Variants in NALF1 observed in about 807,000 individuals in gnomAD.
NALF1 encodes the protein family with sequence similarity 155 member A.
NALF1 carries 3 observed loss-of-function variants against 48.4 expected under a neutral mutation model. The ratio of observed to expected loss-of-function variants is 0.06; its 90% CI spans 0.03 to 0.16. The LOEUF (loss-of-function observed/expected upper bound fraction) is 0.16. Ranked by LOEUF, NALF1 falls within the 10% of genes least tolerant of loss-of-function variation. NALF1 has a pLI of 1.00. For synonymous variants in NALF1, 262 were observed against 245.7 expected, an observed-to-expected ratio of 1.07 and a Z score of -0.62; for missense variants, 526 against 571.5, an observed-to-expected ratio of 0.92 and a Z score of 0.81.
At chr13:107,221,440 C>T (rs946093973) in intron 1 of NALF1, among the ~76,000 whole-genome samples, 3 of 151,944 alleles carry the variant, frequency 2.0e-5, no homozygotes, top group South Asian at 4.2e-4. Context: ...ATTAGCTGGG[C>T]GTGGCGGTGC....
chr13:107,607,866 C>T (rs1879115127), intron 1 of NALF1, among the ~76,000 whole-genome samples: 1 of 152,180 alleles, frequency 6.6e-6, no homozygotes, highest in African/African-American at 2.4e-5. Flanking sequence ...GAAAACCACA[C>T]CTGTAACAGT....
chr13:107,678,246 G>C (rs4405424), intron 1 of NALF1, among the ~76,000 whole-genome samples: 81,384 of 151,954 alleles, frequency 0.54, 22,352 homozygotes, highest in African/African-American at 0.65. Context: ...ATGGTGAACG[G>C]GAGGGATGAA....
At chr13:107,368,916 T>C (rs1305031237) in intron 1 of NALF1, among the ~76,000 whole-genome samples, 1 of 152,224 alleles carries the variant, frequency 6.6e-6, no homozygotes, top group African/African-American at 2.4e-5. Flanking sequence ...ATCCCCTCAG[T>C]GCATCATACT....
At chr13:107,817,232 C>A (rs1296200889) in intron 1 of NALF1, among the ~76,000 whole-genome samples, 3 of 152,180 alleles carry the variant, frequency 2.0e-5, no homozygotes, top group Non-Finnish European at 2.9e-5. Flanking sequence ...AGACAAAAAG[C>A]ATTCACATTA....
At chr13:107,483,240 G>C (rs1178411446) in intron 1 of NALF1, among the ~76,000 whole-genome samples, 1 of 152,114 alleles carries the variant, frequency 6.6e-6, no homozygotes, top group Non-Finnish European at 1.5e-5. Context: ...AGCTAAGCTA[G>C]GTAAAGTGCA....
intron 1 of NALF1, among the ~76,000 whole-genome samples, chr13:107,707,186 T>C (rs967865845): frequency 1.3e-5 from 2 of 151,996 alleles, no homozygotes; most frequent in Non-Finnish European, 2.9e-5. Context: ...CCTCCCAAAG[T>C]GCTGGGATTA....
At chr13:107,561,823 T>A (rs1877656059) in intron 1 of NALF1, among the ~76,000 whole-genome samples, 1 of 152,226 alleles carries the variant, frequency 6.6e-6, no homozygotes, top group Non-Finnish European at 1.5e-5. Flanking sequence ...CATAACTGTC[T>A]CTTCCATATT....
intron 1 of NALF1, among the ~76,000 whole-genome samples, chr13:107,641,135 T>A (rs948903012): frequency 8.5e-5 from 13 of 152,162 alleles, no homozygotes; most frequent in African/African-American, 2.4e-5. Context: ...GTGATTATGT[T>A]AAGTGAACTA....
intron 1 of NALF1, among the ~76,000 whole-genome samples, chr13:107,406,648 T>A (rs1032466120): frequency 2.0e-5 from 3 of 151,922 alleles, no homozygotes; most frequent in Non-Finnish European, 4.4e-5. Context: ...ATTAATAGAA[T>A]GCCATTCTTT....
chr13:107,266,062 G>A (rs939275619), intron 1 of NALF1, among the ~76,000 whole-genome samples: 2 of 152,128 alleles, frequency 1.3e-5, no homozygotes, highest in South Asian at 2.1e-4. Flanking sequence ...AGACATAAAG[G>A]TTAAATGCTC....
At chr13:107,220,865 T>C (rs1040142139) in intron 1 of NALF1, among the ~76,000 whole-genome samples, 7 of 150,994 alleles carry the variant, frequency 4.6e-5, no homozygotes, top group Non-Finnish European at 1.0e-4. Flanking sequence ...GCTTCTGATA[T>C]GAGAAAGAGA....
chr13:107,279,991 T>C (rs980627945), intron 1 of NALF1, among the ~76,000 whole-genome samples: 12 of 151,950 alleles, frequency 7.9e-5, no homozygotes, highest in Non-Finnish European at 1.8e-4. Flanking sequence ...GAGGTCTTGC[T>C]ATGTTGCCCA....
chr13:107,221,767 C>T (rs2138815937), intron 1 of NALF1, among the ~76,000 whole-genome samples: 1 of 152,012 alleles, frequency 6.6e-6, no homozygotes, highest in Middle Eastern at 3.4e-3. Flanking sequence ...ACAGGGTGGG[C>T]TTTTAGGTCA....
At chr13:107,183,954 A>G (rs72664782) in intron 2 of NALF1, among the ~76,000 whole-genome samples, 23,385 of 151,682 alleles carry the variant, frequency 0.15, 1,951 homozygotes, top group African/African-American at 0.22. Flanking sequence ...CACCACTTGC[A>G]TATTTTCTAT....
chr13:107,851,753 G>C (rs955303304), intron 1 of NALF1, among the ~76,000 whole-genome samples: 5 of 148,496 alleles, frequency 3.4e-5, no homozygotes, highest in African/African-American at 1.2e-4. Context: ...GAATTTTTAA[G>C]TAACAGATTA....
At chr13:107,496,318 A>G (rs1484419635) in intron 1 of NALF1, among the ~76,000 whole-genome samples, 1 of 152,186 alleles carries the variant, frequency 6.6e-6, no homozygotes, top group Non-Finnish European at 1.5e-5. Flanking sequence ...GTCTCCCAAA[A>G]CAAGCCTGTA....
intron 1 of NALF1, among the ~76,000 whole-genome samples, chr13:107,772,905 T>C (rs1877619790): frequency 6.6e-6 from 1 of 152,180 alleles, no homozygotes; most frequent in South Asian, 2.1e-4. Context: ...TATTTCCCCA[T>C]TAAAAAATAA....
intron 1 of NALF1, among the ~76,000 whole-genome samples, chr13:107,767,297 T>C (rs918555470): frequency 6.6e-6 from 1 of 152,230 alleles, no homozygotes; most frequent in Admixed American, 6.5e-5. Context: ...TTCCTGTCAC[T>C]TGCCTCCAGG....
chr13:107,304,998 T>G (rs1881908198), intron 1 of NALF1, among the ~76,000 whole-genome samples: 1 of 152,196 alleles, frequency 6.6e-6, no homozygotes, highest in African/African-American at 2.4e-5. Context: ...GTATGCATGG[T>G]GATAATAAGC....
Sources: allele counts gnomAD v4.1 joint callset (sites outside exome capture counted in the v4.1 genomes callset), GRCh38; gene constraint gnomAD v4.1.1; transcripts MANE v1.5; gene names NCBI Gene and HGNC (gene_info 2026-07-23, HGNC 2026-07-21).